GLMN: variants seen among roughly 807,000 people sequenced by gnomAD.
GLMN encodes glomulin.
A neutral mutation model predicts 87.8 loss-of-function variants in GLMN; 75 were observed. The observed-to-expected ratio is 0.85, with a 90% CI of 0.71 to 1.04. The LOEUF (loss-of-function observed/expected upper bound fraction) is 1.04, where lower values mean the gene tolerates loss of function less well. Among genes scored for constraint, GLMN ranks in the 50% least tolerant of loss-of-function variants. GLMN has a pLI of 0.00. For synonymous variants in GLMN, 206 were observed against 221.6 expected (o/e 0.93, Z 0.63); for missense variants, 588 against 658.8 (o/e 0.89, Z 1.18).
the GLMN span, among the ~76,000 whole-genome samples, chr1:92,357,307 A>G: frequency 1.1e-3 from 169 of 152,280 alleles, no homozygotes; most frequent in Middle Eastern, 3.4e-3. Context: ...AAAAAAGAAA[A>G]AGGCACAAAA....
At chr1:92,343,151 G>A in the GLMN span, among the ~76,000 whole-genome samples, 2 of 152,174 alleles carry the variant, frequency 1.3e-5, no homozygotes. Flanking sequence ...AAGGTCCAAG[G>A]AGAGTGCTCA....
the GLMN span, among the ~76,000 whole-genome samples, chr1:92,349,111 T>C: frequency 2.0e-5 from 3 of 152,230 alleles, no homozygotes; most frequent in Non-Finnish European, 4.4e-5. Context: ...TATCCTATTA[T>C]TCAGAAAATT....
chr1:92,349,375 CAT>C, the GLMN span, among the ~76,000 whole-genome samples: 1 of 152,108 alleles, frequency 6.6e-6, no homozygotes, highest in Non-Finnish European at 1.5e-5. Flanking sequence ...CAGAATTCCT[CAT>C]GTGAACTCTT....
the GLMN span, among the ~76,000 whole-genome samples, chr1:92,316,535 A>G: frequency 6.6e-6 from 1 of 152,246 alleles, no homozygotes; most frequent in Non-Finnish European, 1.5e-5. Flanking sequence ...ACTTTGCTAA[A>G]ATGAAAACCA....
Position 92,267,940 on chromosome 1 carries a change from T to G in GLMN, c.1071A>C (p.Glu357Asp), listed in dbSNP as rs1655834465. 6.6e-7 allele frequency: 1 copy of G among 1,524,738 alleles called. No individual in the cohort carries two copies. Among genetic ancestry groups the G allele is most frequent in the Non-Finnish European group, 9.1e-7 (1 of 1,098,662 alleles). 94.5% of individuals were successfully genotyped at this position (1,524,738 alleles called of 1,614,324 possible). A position where few individuals can be genotyped will look rare whatever the true frequency, so the allele number is the denominator to read the frequency against. Residue 357 changes from glutamate to aspartate, a missense_variant, in exon 11 of 19, where the codon GAA (glutamate) becomes GAC (aspartate). Physicochemically the swap from Glu to Asp is conservative, Grantham distance 45. Transcript: ENST00000370360. Reference sequence around the variant, plus strand: ...GAGGTACAGTAAGAAAACTCTTGATTTCTAAGTACTGGTAAAGTAGACTAT... The same window carrying G: ...GAGGTACAGTAAGAAAACTCTTGATGTCTAAGTACTGGTAAAGTAGACTAT... ...EDNSLLYQYL[E>D]IKSFLTVPQG...
At chr1:92,260,463 A>C (rs531747355) in intron 16 of GLMN, among the ~76,000 whole-genome samples, 1 of 151,958 alleles carries the variant, frequency 6.6e-6, no homozygotes, top group Middle Eastern at 3.4e-3. Context: ...TAAAAATACA[A>C]AAATTAGCTG....
chr1:92,255,502 T>C (rs554712704), intron 16 of GLMN, among the ~76,000 whole-genome samples: 77 of 152,224 alleles, frequency 5.1e-4, no homozygotes, highest in African/African-American at 1.8e-3. Context: ...GACCACATAA[T>C]TGGAAGTAAA....
chr1:92,324,146 A>T, the GLMN span: 1 of 1,614,168 alleles, frequency 6.2e-7, no homozygotes, highest in East Asian at 2.2e-5. Context: ...GAACTTGATG[A>T]AGATGACATA....
At chr1:92,246,850 G>T (rs915808131) in intron 18 of GLMN, among the ~76,000 whole-genome samples, 1 of 152,114 alleles carries the variant, frequency 6.6e-6, no homozygotes, top group South Asian at 2.1e-4. Context: ...GAGCAACATA[G>T]TGAGACCCTA....
chr1:92,319,644 AAC>A, the GLMN span, among the ~76,000 whole-genome samples: 2 of 152,140 alleles, frequency 1.3e-5, no homozygotes, highest in Non-Finnish European at 2.9e-5. Context: ...AACAATTATA[AAC>A]AGTCTCTGCC....
At chr1:92,273,292 G>A (rs1024764167) in intron 7 of GLMN, among the ~76,000 whole-genome samples, 1 of 152,146 alleles carries the variant, frequency 6.6e-6, no homozygotes, top group African/African-American at 2.4e-5. Context: ...AATATATACT[G>A]CTGCAGTGAT....
chr1:92,323,857 G>A, the GLMN span: 148 of 1,613,974 alleles, frequency 9.2e-5, no homozygotes, highest in African/African-American at 1.8e-3. Flanking sequence ...AAAAGCGTCA[G>A]AAAATTCTGA....
At chr1:92,253,439 A>T (rs1011013654) in intron 16 of GLMN, among the ~76,000 whole-genome samples, 14 of 152,222 alleles carry the variant, frequency 9.2e-5, no homozygotes, top group Non-Finnish European at 1.8e-4. Context: ...CTGCTTCCTC[A>T]AATGGGTCCC....
At chr1:92,344,227 T>C in the GLMN span, among the ~76,000 whole-genome samples, 2 of 152,024 alleles carry the variant, frequency 1.3e-5, no homozygotes, top group African/African-American at 2.4e-5. Flanking sequence ...CTGGGCAACA[T>C]AGTGAAAGCC....
the GLMN span, among the ~76,000 whole-genome samples, chr1:92,350,121 A>T: frequency 6.6e-6 from 1 of 152,144 alleles, no homozygotes; most frequent in East Asian, 1.9e-4. Context: ...ATTCCATGGG[A>T]CTTGAATTAC....
chr1:92,304,188 G>T, the GLMN span: 7 of 1,107,926 alleles, frequency 6.3e-6, no homozygotes, highest in Non-Finnish European at 8.1e-6. Context: ...GGCATGGATT[G>T]GCCAATGATA....
chr1:92,268,915 CTTTT>C (rs10706669), intron 9 of GLMN, among the ~76,000 whole-genome samples: 1 of 120,474 alleles, frequency 8.3e-6, no homozygotes. Flanking sequence ...CTGTAATTTC[CTTTT>C]TTTTTTTTTT....
chr1:92,324,730 C>CTG, the GLMN span, among the ~76,000 whole-genome samples: 3 of 151,972 alleles, frequency 2.0e-5, no homozygotes, highest in East Asian at 1.9e-4. Context: ...TACATGGGGT[C>CTG]TGTGTGTGTG....
intron 16 of GLMN, among the ~76,000 whole-genome samples, chr1:92,248,738 C>T (rs1653022064): frequency 6.6e-6 from 1 of 151,848 alleles, no homozygotes; most frequent in Non-Finnish European, 1.5e-5. Flanking sequence ...TTATTTTGAC[C>T]CAAGTAGTAC....
Sources: allele counts gnomAD v4.1 joint callset (sites outside exome capture counted in the v4.1 genomes callset), GRCh38; gene constraint gnomAD v4.1.1; transcripts MANE v1.5; gene names NCBI Gene and HGNC (gene_info 2026-07-23, HGNC 2026-07-21).